The following PPFIA3 variants were observed in gnomAD, a reference collection of about 807,000 sequenced individuals.
The protein encoded by PPFIA3 is PPFI scaffold protein A3, also known as liprin-alpha-3.
PPFIA3 carries 26 observed loss-of-function variants against 145.8 expected under a neutral mutation model. The observed-to-expected ratio is 0.18, with a 90% CI of 0.13 to 0.25. The LOEUF is 0.25. Among genes scored for constraint, PPFIA3 ranks in the 10% least tolerant of loss-of-function variants. The probability of loss-of-function intolerance (pLI) is 1.00; values close to 1 mark genes in which losing one functional copy is unlikely to be tolerated. For synonymous variants in PPFIA3, 645 were observed against 661.4 expected (o/e 0.98, Z 0.38); for missense variants, 1,008 against 1,587.8 (o/e 0.63, Z 6.21).
intron 1 of PPFIA3, among the ~76,000 whole-genome samples, chr19:49,123,369 A>G (rs2040960237): frequency 6.6e-6 from 1 of 151,714 alleles, no homozygotes; most frequent in African/African-American, 2.4e-5. Context: ...TATGTTACTG[A>G]GGCGATCCTC....
At chr19:49,134,579 G>T in intron 11 of PPFIA3, 60 bp from the exon 12 acceptor site, 1 of 1,507,498 alleles carries the variant, frequency 6.6e-7, no homozygotes, top group South Asian at 1.1e-5. Flanking sequence ...GGAGCTGCCT[G>T]CAGCCCCACG....
chr19:49,127,933 C>G lies in PPFIA3; in HGVS notation c.60C>G (p.Gly20=). Residue 20 remains glycine (G), a synonymous_variant, in exon 2 of 30, where the codon GGC becomes GGG. Transcript: ENST00000334186. ...ATGGCCGGCGGGGCTCGGCGCTGGGCCCGGACGAGGCGGGCGGGGAGCTGG... is the reference window on the plus strand; with the variant it reads ...ATGGCCGGCGGGGCTCGGCGCTGGGGCCGGACGAGGCGGGCGGGGAGCTGG... ...SEDGRRGSAL[G]PDEAGGELER... is the part of the protein sequence containing the mutation. The G allele has an allele frequency of 1.3e-6, 2 of 1,593,908 alleles. No individual in the cohort carries two copies. Among genetic ancestry groups the G allele is most frequent in the Admixed American group, 1.7e-5 (1 of 59,776 alleles).
Position 49,148,121 on chromosome 19 carries a change from G to C in PPFIA3, c.2874G>C (p.Gly958=). The change falls in exon 24 of 30, where the codon GGG becomes GGC. Residue 958 remains glycine (G), a synonymous_variant. Transcript: ENST00000334186. The part of the protein sequence containing the change: ...AYGDMNHEWV[G]NDWLPSLGLP... Reference sequence around the variant, plus strand: ...GCGACATGAACCACGAGTGGGTGGGGAACGACTGGCTGCCCAGCCTGGGGC... The same window carrying C: ...GCGACATGAACCACGAGTGGGTGGGCAACGACTGGCTGCCCAGCCTGGGGC... 1 of 1,614,022 alleles carries C rather than the reference G, an allele frequency of 6.2e-7. No individual in the cohort carries two copies. Among genetic ancestry groups the C allele is most frequent in the Non-Finnish European group, 8.5e-7 (1 of 1,179,924 alleles).
chr19:49,138,364 C>T lies in PPFIA3; in HGVS notation c.2013C>T (p.Ser671=). The part of the protein sequence containing the change: ...TSTLASPSPP[S]SGHSTPRLAP... ...CCCTTGCCAGCCCCTCCCCTCCCAG[C>T]TCTGGCCACTCAACACCCCGCCTGG... Residue 671 remains serine, a synonymous_variant, in exon 16 of 30, where the codon AGC becomes AGT. Coordinates refer to ENST00000334186, the MANE Select transcript of PPFIA3 (RefSeq NM_003660.4). 6.2e-7 allele frequency: 1 copy of T among 1,604,676 alleles called. No individual in the cohort carries two copies. The highest frequency in any genetic ancestry group is 8.5e-7 in the Non-Finnish European group (1 of 1,175,128).
At chr19:49,139,856 C>G in intron 17 of PPFIA3, 25 bp downstream of exon 17, 1 of 1,610,114 alleles carries the variant, frequency 6.2e-7, no homozygotes, top group Non-Finnish European at 8.5e-7. Flanking sequence ...GGGATAGGGA[C>G]AGGGAGAAGC....
At chr19:49,148,873 G>GA (rs2041309607) in intron 25 of PPFIA3, 110 bp downstream of exon 25, 2 of 1,545,464 alleles carry the variant, frequency 1.3e-6, no homozygotes, top group East Asian at 2.3e-5. Context: ...CCATAACCGT[G>GA]GGGGTGGAGC....
At chr19:49,142,778 T>A in intron 20 of PPFIA3, 26 bp from the exon 21 acceptor site, 1 of 1,438,288 alleles carries the variant, frequency 7.0e-7, no homozygotes, top group Non-Finnish European at 9.3e-7. Flanking sequence ...CTCTGTCCCC[T>A]CTGTCCCTCT....
In PPFIA3 at chr19:49,149,574, C is replaced by T; in HGVS notation, c.3382C>T (p.Pro1128Ser). The stretch of plus-strand genomic sequence containing the variant: ...CAGCGCCAAGTCTTTCAGCCGCTCC[C>T]CATCCTGGCGGAAGATGTTCCGGGA... The part of the protein sequence containing the change: ...EDSAKSFSRS[P>S]SWRKMFREKD... The change falls in exon 28 of 30, where the codon CCA (proline) becomes TCA (serine). Residue 1128 changes from proline (P) to serine (S), a missense_variant. Pro to Ser is a moderately conservative substitution (Grantham distance 74, BLOSUM62 -1). Around this residue, in one of 11 missense-constraint regions of PPFIA3, gnomAD observed 125 missense variants for 159.3 expected, o/e 0.78. Transcript: ENST00000334186. This position sits in a 1 kb window ranked among gnomAD's most constrained non-coding sequence, Gnocchi z 5.7. 1 of 1,614,206 alleles carries T rather than the reference C, an allele frequency of 6.2e-7. No individual in the cohort carries two copies. Among genetic ancestry groups the T allele is most frequent in the Non-Finnish European group, 8.5e-7 (1 of 1,180,034 alleles).
Position 49,142,085 on chromosome 19 carries a change from G to T in PPFIA3, c.2514G>T (p.Trp838Cys). 6.3e-7 allele frequency: 1 copy of T among 1,577,602 alleles called. No individual in the cohort carries two copies. Among genetic ancestry groups the T allele is most frequent in the East Asian group, 2.3e-5 (1 of 43,526 alleles). ...ACRQGLPFAA[W>C]DGPTVVSWLE... ...GCCAGGGCCTACCTTTTGCTGCCTG[G>T]GACGGGCCCACCGTGGTGTCCTGGC... The change falls in exon 20 of 30, where the codon TGG (tryptophan) becomes TGT (cysteine). Residue 838 changes from tryptophan (W) to cysteine (C), a missense_variant. Trp to Cys is a radical substitution (Grantham distance 215, BLOSUM62 -2). Coordinates refer to ENST00000334186, the MANE Select transcript of PPFIA3 (RefSeq NM_003660.4).
rs770999086 is a variant in PPFIA3, at chr19:49,134,929, T to G, written c.1520+14T>G. The G allele has an allele frequency of 2.6e-6, 4 of 1,545,150 alleles. No homozygotes were observed. The highest frequency in any genetic ancestry group is 3.9e-5 in the Admixed American group (2 of 51,508). On this transcript the variant is annotated intron_variant, in intron 13 of 29. Transcript: ENST00000334186. Reference sequence around the variant, plus strand: ...CTCCTACTCCAGGTGACAGCAGCCCTTCTGCCCTGCCCCCACCATGGAGCC... The same window carrying G: ...CTCCTACTCCAGGTGACAGCAGCCCGTCTGCCCTGCCCCCACCATGGAGCC...
At chr19:49,146,222 A>C (rs754944704) in intron 23 of PPFIA3, 30 bp downstream of exon 23, 3 of 1,611,432 alleles carry the variant, frequency 1.9e-6, no homozygotes, top group African/African-American at 1.3e-5. Context: ...GCGTGAGCGC[A>C]TGAACAGGCT....
intron 21 of PPFIA3, among the ~76,000 whole-genome samples, chr19:49,144,728 T>G (rs2041261160): frequency 6.6e-6 from 1 of 151,878 alleles, no homozygotes; most frequent in Non-Finnish European, 1.5e-5. Context: ...AAAAAAAGTT[T>G]AGAATTTTGG....
chr19:49,146,096 G>T, intron 22 of PPFIA3, 70 bp from the exon 23 acceptor site: 1 of 1,608,664 alleles, frequency 6.2e-7, no homozygotes, highest in Non-Finnish European at 8.5e-7. Context: ...CCCTAAGTCC[G>T]CTCCTTGCGT....
chr19:49,142,004 G>A, intron 19 of PPFIA3, 30 bp from the exon 20 acceptor site: 2 of 1,541,536 alleles, frequency 1.3e-6, no homozygotes, highest in Non-Finnish European at 8.8e-7. Context: ...ATCCCTGACA[G>A]CTTCTATCCT....
chr19:49,146,023 GC>G lies in PPFIA3; in HGVS notation c.2808+20del. On this transcript the variant is annotated intron_variant, in intron 22 of 29. Coordinates refer to ENST00000334186, the MANE Select transcript of PPFIA3 (RefSeq NM_003660.4). Reference sequence around the variant, plus strand: ...CCAAGCCCGTGAGTGCCCCCTGCCGGCCGCCTTGGGGGTGGCACTAACCTTC... The same window carrying G: ...CCAAGCCCGTGAGTGCCCCCTGCCGGCGCCTTGGGGGTGGCACTAACCTTC... The G allele has an allele frequency of 6.2e-7, 1 of 1,613,416 alleles. No individual in the cohort carries two copies. Among genetic ancestry groups the G allele is most frequent in the South Asian group, 1.1e-5 (1 of 91,074 alleles).
intron 24 of PPFIA3, 193 bp downstream of exon 24, chr19:49,148,451 G>A: frequency 1.3e-6 from 1 of 791,032 alleles, no homozygotes; most frequent in Non-Finnish European, 2.0e-6. Context: ...TCCTGAAATG[G>A]CTTGGCTAGT....
chr19:49,137,904 T>A (rs2041161010), intron 15 of PPFIA3, among the ~76,000 whole-genome samples: 1 of 152,104 alleles, frequency 6.6e-6, no homozygotes, highest in African/African-American at 2.4e-5. Flanking sequence ...TGACCTTTTG[T>A]CCATAGTAAT....
In PPFIA3 at chr19:49,136,866, C is replaced by A; in HGVS notation, c.1808C>A (p.Ala603Asp). 2 of 1,579,782 alleles carry A rather than the reference C, an allele frequency of 1.3e-6. No individual in the cohort carries two copies. The highest frequency in any genetic ancestry group is 1.8e-5 in the Admixed American group (1 of 54,980). The change falls in exon 15 of 30, where the codon GCC becomes GAC. Residue 603 changes from alanine (A) to aspartate (D), a missense_variant. By Grantham distance (126) the Ala-to-Asp change is moderately radical (BLOSUM62 -2). Transcript: ENST00000334186. ...GGGCAGGCTGACGTGCAGACGCTGG[C>A]CATCATGCTTCAGGAGCAGCTGGAG... ...PSGQADVQTL[A>D]IMLQEQLEAI...
At chr19:49,147,433 C>A in intron 23 of PPFIA3, among the ~76,000 whole-genome samples, 1 of 152,056 alleles carries the variant, frequency 6.6e-6, no homozygotes. Context: ...TGCCTGTAAT[C>A]CCAGCACGTT....
Sources: allele counts gnomAD v4.1 joint callset (sites outside exome capture counted in the v4.1 genomes callset), GRCh38; gene constraint gnomAD v4.1.1; regional missense constraint gnomAD v4.1.1; non-coding constraint Gnocchi (gnomAD v3.1); transcripts MANE v1.5; gene names NCBI Gene and HGNC (gene_info 2026-07-23, HGNC 2026-07-21).